The following SLC52A3 variants were observed in gnomAD, a reference collection of about 807,000 sequenced individuals.
The protein encoded by SLC52A3 is solute carrier family 52 member 3.
SLC52A3 carries 20 observed loss-of-function variants against 29.5 expected under a neutral mutation model. The observed-to-expected ratio is 0.68, with a 90% CI of 0.48 to 0.99. The LOEUF is 0.99. Among genes scored for constraint, SLC52A3 ranks in the 50% least tolerant of loss-of-function variants. The pLI, the probability that SLC52A3 is intolerant of heterozygous loss-of-function variation, is 0.00. For synonymous variants in SLC52A3, 301 were observed against 271.0 expected, an observed-to-expected ratio of 1.11 and a Z score of -1.09; for missense variants, 548 against 612.9, an observed-to-expected ratio of 0.89 and a Z score of 1.12.
chr20:771,965 A>G (rs956237441), upstream of SLC52A3, among the ~76,000 whole-genome samples: 1 of 152,252 alleles, frequency 6.6e-6, no homozygotes, highest in Non-Finnish European at 1.5e-5. Context: ...AGGATATAGC[A>G]AAAGCAATAA....
chr20:774,159 G>A (rs73069759), intron 1 of SLC52A3, among the ~76,000 whole-genome samples: 11,544 of 152,266 alleles, frequency 0.076, 591 homozygotes, highest in South Asian at 0.17. Flanking sequence ...CTGGGTTCTC[G>A]CTCTGCAGGG....
At chr20:774,389 C>T (rs1446267140) in intron 1 of SLC52A3, among the ~76,000 whole-genome samples, 1 of 152,142 alleles carries the variant, frequency 6.6e-6, no homozygotes, top group African/African-American at 2.4e-5. Context: ...CTACTTAGGG[C>T]CTGGCCTCAC....
chr20:767,067 G>A (rs1298611150), intron 1 of SLC52A3, among the ~76,000 whole-genome samples: 2 of 152,100 alleles, frequency 1.3e-5, no homozygotes, highest in Non-Finnish European at 2.9e-5. Flanking sequence ...TCTCCTGGGT[G>A]GCTACCAACA....
chr20:761,159 C>T lies in SLC52A3; in HGVS notation c.1277G>A (p.Arg426His). Residue 426 changes from arginine to histidine, a missense_variant, in exon 5 of 5, where the codon CGC (arginine) becomes CAC (histidine). This residue lies in a region of SLC52A3 where 173 missense variants were observed against 141.8 expected (regional missense o/e 1.22). Transcript: ENST00000645534. ...CGCCCCGCACCACAAGAGGGCGCTG[C>T]GGCTGAGGTCGCGCAGGACCACGCC... ...MLGVVLRDLSRSALLWCGAAV... is the reference protein window; with the variant it reads ...MLGVVLRDLSHSALLWCGAAV... 1 of 1,580,602 alleles carries T rather than the reference C, an allele frequency of 6.3e-7. No individual in the cohort carries two copies. Among genetic ancestry groups the T allele is most frequent in the Non-Finnish European group, 8.6e-7 (1 of 1,164,924 alleles).
In SLC52A3 at chr20:764,185, G is replaced by A. The variant is rs75015013; in HGVS notation, c.568-182C>T. ...TGACTGCCCACTGAGCACGGGCACT[G>A]TGCATGGATAAGCCCCTATGCCTCC... On this transcript the variant is annotated intron_variant, in intron 2 of 4. Transcript: ENST00000645534. Among the ~76,000 whole-genome samples the A allele has an allele frequency of 0.015, 2,273 of 152,292 alleles. 53 individuals carry two copies. Among genetic ancestry groups the A allele is most frequent in the African/African-American group, 0.051 (2,127 of 41,538 alleles).
rs1053402059 is a variant in SLC52A3, at chr20:762,460, G to A, written c.1074-636C>T. On this transcript the variant is annotated intron_variant, in intron 3 of 4. Transcript: ENST00000645534. ...TGGCCTTCCATGCAAACCTACATCTGGGACCACTGTCCTTCCTCACAGGTC... is the reference window on the plus strand; with the variant it reads ...TGGCCTTCCATGCAAACCTACATCTAGGACCACTGTCCTTCCTCACAGGTC... 6.6e-5 allele frequency among the ~76,000 whole-genome samples: 10 copies of A among 152,176 alleles called. No homozygotes were observed. The East Asian group carries it at 1.7e-3, about 26-fold the overall frequency.
rs114595305 is a variant in SLC52A3, at chr20:762,993, G to A, written c.1073+505C>T. On this transcript the variant is annotated intron_variant, in intron 3 of 4. Coordinates refer to ENST00000645534, the MANE Select transcript of SLC52A3 (RefSeq NM_033409.4). ...GGTTCAATCTGCATTTTATCAACTT[G>A]CCCAGCCATTCTTCTAGAACTGTGG... Among the ~76,000 whole-genome samples the A allele has an allele frequency of 9.6e-3, 1,469 of 152,304 alleles. 16 individuals carry two copies. The highest frequency in any genetic ancestry group is 0.033 in the African/African-American group (1,384 of 41,556).
chr20:771,409 A>C (rs530496081), upstream of SLC52A3, among the ~76,000 whole-genome samples: 1 of 147,344 alleles, frequency 6.8e-6, no homozygotes, highest in African/African-American at 2.4e-5. Flanking sequence ...CCTCGGCGAC[A>C]AAGCAAGACT....
intron 1 of SLC52A3, among the ~76,000 whole-genome samples, chr20:767,348 C>A (rs932071100): frequency 6.6e-6 from 1 of 151,370 alleles, no homozygotes; most frequent in Non-Finnish European, 1.5e-5. Context: ...GTTGGTGATG[C>A]CTCTGTATAT....
chr20:765,797 A>T lies in SLC52A3; in HGVS notation c.-23T>A, dbSNP rs756267954. 47 of 1,607,160 alleles carry T rather than the reference A, an allele frequency of 2.9e-5. No individual in the cohort carries two copies. In the South Asian group the frequency reaches 5.1e-4, roughly 18 times the overall value. ...CATGGCGGTATCTGCCCTGGGCCAG[A>T]GGCTTTCTCAGATCAGCCTGCAGCG... On this transcript the variant is annotated 5_prime_UTR_variant, in exon 2 of 5. Coordinates refer to ENST00000645534, the MANE Select transcript of SLC52A3 (RefSeq NM_033409.4). This position sits in a 1 kb window ranked among gnomAD's most constrained non-coding sequence, Gnocchi z 6.6.
chr20:777,133 G>A (rs1987064282), upstream of SLC52A3, among the ~76,000 whole-genome samples: 1 of 152,126 alleles, frequency 6.6e-6, no homozygotes, highest in Non-Finnish European at 1.5e-5. Flanking sequence ...CTACTGGAGA[G>A]ACTGAGGCAG....
At position 760,982 on chromosome 20, in the gene SLC52A3, C is replaced by T; in HGVS notation, c.*44G>A. On this transcript the variant is annotated 3_prime_UTR_variant, in exon 5 of 5. Coordinates refer to ENST00000645534, the MANE Select transcript of SLC52A3 (RefSeq NM_033409.4). This position sits in a 1 kb window ranked among gnomAD's most constrained non-coding sequence, Gnocchi z 4.9. ...GCTCTGTGACCTGGCCTCTCTGGAC[C>T]CCAGTTCCGTCCGTGAGCGATGGGG... The T allele has an allele frequency of 5.8e-6, 9 of 1,556,230 alleles. No homozygotes were observed. The highest frequency in any genetic ancestry group is 2.4e-5 in the South Asian group (2 of 84,890).
rs975887683 is a variant in SLC52A3 at position 765,618 on chromosome 20, T to C, written c.157A>G (p.Ile53Val). ...YLTVVIQLAN[I>V]GPLLVTLLHH... Reference sequence around the variant, plus strand: ...AGCAGGGTGACCAGGAGGGGCCCGATGTTGGCCAGCTGGATGACCACCGTG... The same window carrying C: ...AGCAGGGTGACCAGGAGGGGCCCGACGTTGGCCAGCTGGATGACCACCGTG... The change falls in exon 2 of 5, where the codon ATC becomes GTC. Residue 53 changes from isoleucine (I) to valine (V), a missense_variant. Around this residue, in one of 2 missense-constraint regions of SLC52A3, gnomAD observed 375 missense variants for 471.1 expected, o/e 0.80. Transcript: ENST00000645534. The surrounding 1 kb of genome is among the most constrained non-coding windows in gnomAD (Gnocchi z 6.6). 1.2e-6 allele frequency: 2 copies of C among 1,603,758 alleles called. No homozygotes were observed. The highest frequency in any genetic ancestry group is 1.7e-5 in the Admixed American group (1 of 57,804).
intron 4 of SLC52A3, 157 bp from the exon 5 acceptor site, chr20:761,395 G>A: frequency 1.1e-6 from 1 of 891,418 alleles, no homozygotes; most frequent in Non-Finnish European, 1.7e-6. Context: ...CGGGTCCCAT[G>A]AGTTGGCCGC....
In SLC52A3 at chr20:765,219, C is replaced by G; in HGVS notation, c.556G>C (p.Asp186His). 6.2e-7 allele frequency: 1 copy of G among 1,614,146 alleles called. No individual in the cohort carries two copies. The highest frequency in any genetic ancestry group is 8.5e-7 in the Non-Finnish European group (1 of 1,180,016). ...GTGATGCTGGGTACCTGTGCGATGT[C>G]AGTCTCCCTCGTGGGTACAGGGCTT... Reference protein sequence around the residue: ...VPSPVPTRETDIAQGVPRALV... With the variant: ...VPSPVPTRETHIAQGVPRALV... The change falls in exon 2 of 5, where the codon GAC (aspartate) becomes CAC (histidine). Residue 186 changes from aspartate to histidine, a missense_variant. By Grantham distance (81) the Asp-to-His change is moderately conservative. Around this residue, in one of 2 missense-constraint regions of SLC52A3, gnomAD observed 375 missense variants for 471.1 expected, o/e 0.80. Coordinates refer to ENST00000645534, the MANE Select transcript of SLC52A3 (RefSeq NM_033409.4). This position sits in a 1 kb window ranked among gnomAD's most constrained non-coding sequence, Gnocchi z 6.6.
At chr20:768,180 T>C (rs1204610090) in intron 1 of SLC52A3, 117 bp downstream of exon 1, 1 of 152,224 alleles carries the variant, frequency 6.6e-6, no homozygotes, top group Non-Finnish European at 1.5e-5. Flanking sequence ...ATCATTATCG[T>C]GAAATGGCAG....
intron 1 of SLC52A3, among the ~76,000 whole-genome samples, chr20:774,360 T>C (rs1466314545): frequency 2.0e-5 from 3 of 152,168 alleles, no homozygotes; most frequent in Non-Finnish European, 4.4e-5. Flanking sequence ...CTGGAGAACT[T>C]AGTGAGGCCT....
chr20:769,604 A>C (rs2122540371), upstream of SLC52A3, among the ~76,000 whole-genome samples: 1 of 152,322 alleles, frequency 6.6e-6, no homozygotes, highest in South Asian at 2.1e-4. Flanking sequence ...ATTCAAAAAC[A>C]TGTAGTTATT....
upstream of SLC52A3, among the ~76,000 whole-genome samples, chr20:776,620 A>G (rs117919616): frequency 0.014 from 2,134 of 152,100 alleles, 73 homozygotes; most frequent in East Asian, 0.12. Context: ...TACTGTAACC[A>G]CCTGAGGGGT....
Sources: allele counts gnomAD v4.1 joint callset (sites outside exome capture counted in the v4.1 genomes callset), GRCh38; gene constraint gnomAD v4.1.1; regional missense constraint gnomAD v4.1.1; non-coding constraint Gnocchi (gnomAD v3.1); transcripts MANE v1.5; gene names NCBI Gene and HGNC (gene_info 2026-07-23, HGNC 2026-07-21).